ARHGAP28: variants seen among roughly 807,000 people sequenced by gnomAD.
The protein encoded by ARHGAP28 is rho GTPase-activating protein 28.
ARHGAP28 carries 56 observed loss-of-function variants against 90.7 expected under a neutral mutation model. The ratio of observed to expected loss-of-function variants is 0.62; its 90% CI spans 0.50 to 0.77. The LOEUF is 0.77. Among genes scored for constraint, ARHGAP28 ranks in the 30% least tolerant of loss-of-function variants. The pLI is 0.00. For missense variants in ARHGAP28, 869 were observed against 900.9 expected (o/e 0.96, Z 0.45); for synonymous variants, 308 against 323.3 (o/e 0.95, Z 0.51).
intron 3 of ARHGAP28, among the ~76,000 whole-genome samples, chr18:6,847,640 T>TGC (rs1292204594): frequency 1.3e-5 from 2 of 151,746 alleles, no homozygotes; most frequent in African/African-American, 4.8e-5. Context: ...GGTGTGTGTG[T>TGC]GTGTGTGTGT....
chr18:6,746,630 A>G (rs2056025814), intron 1 of ARHGAP28, among the ~76,000 whole-genome samples: 1 of 152,234 alleles, frequency 6.6e-6, no homozygotes, highest in Non-Finnish European at 1.5e-5. Context: ...TTTTTAAGTG[A>G]AAACACTGAG....
At chr18:6,898,780 A>G (rs1325532029) in intron 16 of ARHGAP28, 5 of 1,234,954 alleles carry the variant, frequency 4.0e-6, no homozygotes, top group Non-Finnish European at 5.1e-6. Flanking sequence ...TTAGTAACTC[A>G]GGAATGGAAA....
intron 4 of ARHGAP28, 134 bp downstream of exon 4, chr18:6,851,260 C>A (rs112647878): frequency 4.0e-6 from 3 of 750,928 alleles, no homozygotes; most frequent in African/African-American, 3.5e-5. Context: ...CACTTATCTA[C>A]CTTAGGTGAT....
intron 5 of ARHGAP28, among the ~76,000 whole-genome samples, chr18:6,863,505 C>T (rs1200329130): frequency 6.6e-6 from 1 of 151,502 alleles, no homozygotes; most frequent in Non-Finnish European, 1.5e-5. Flanking sequence ...ATTTGATTCA[C>T]TACTATTTTA....
chr18:6,790,477 C>T lies in ARHGAP28; in HGVS notation c.123-34285C>T, dbSNP rs940237229. 7.2e-5 allele frequency: 11 copies of T among 152,032 alleles called. No homozygotes were observed. The East Asian group carries it at 1.3e-3, about 19-fold the overall frequency. 9.4% of individuals were successfully genotyped at this position (152,032 alleles called of 1,614,324 possible). On this transcript the variant is annotated intron_variant, in intron 1 of 17. Coordinates refer to ENST00000383472, the MANE Select transcript of ARHGAP28 (RefSeq NM_001366230.1). ...CTCGGTAAATGGTATCATCACCAACCAAGAAAAACAGAAGATACAGGGAGA... is the reference window on the plus strand; with the variant it reads ...CTCGGTAAATGGTATCATCACCAACTAAGAAAAACAGAAGATACAGGGAGA...
At chr18:6,909,246 G>C (rs1409646728) in intron 17 of ARHGAP28, among the ~76,000 whole-genome samples, 2 of 127,836 alleles carry the variant, frequency 1.6e-5, no homozygotes, top group Admixed American at 7.6e-5. Flanking sequence ...GAGTAGGCTT[G>C]GGTCTTTTCT....
intron 1 of ARHGAP28, among the ~76,000 whole-genome samples, chr18:6,738,144 G>A (rs982941024): frequency 6.6e-6 from 1 of 152,146 alleles, no homozygotes; most frequent in Admixed American, 6.5e-5. Context: ...AAAGTAGTAG[G>A]TAGTGTTTCT....
chr18:6,827,596 C>A (rs1247608888), intron 2 of ARHGAP28, among the ~76,000 whole-genome samples: 1 of 147,994 alleles, frequency 6.8e-6, no homozygotes, highest in African/African-American at 2.5e-5. Flanking sequence ...GGGGGCTGAC[C>A]CCCACCTCCC....
chr18:6,782,680 C>T (rs2056335003), intron 1 of ARHGAP28, among the ~76,000 whole-genome samples: 1 of 133,768 alleles, frequency 7.5e-6, no homozygotes. Flanking sequence ...AAACTCCTGA[C>T]CTCAGGTGAT....
At chr18:6,811,128 A>G (rs1458566374) in intron 1 of ARHGAP28, among the ~76,000 whole-genome samples, 5 of 152,138 alleles carry the variant, frequency 3.3e-5, no homozygotes, top group East Asian at 1.9e-4. Flanking sequence ...ACAGAGTTCT[A>G]GTCCAATTGA....
chr18:6,808,497 T>A (rs2056534719), intron 1 of ARHGAP28, among the ~76,000 whole-genome samples: 1 of 152,200 alleles, frequency 6.6e-6, no homozygotes, highest in African/African-American at 2.4e-5. Context: ...GTTGTCAATT[T>A]CAAGTGGTCA....
At position 6,914,936 on chromosome 18, in the gene ARHGAP28, C is replaced by T. The variant is rs962045411; in HGVS notation, c.*2782C>T. 5 of 152,366 alleles carry T rather than the reference C, an allele frequency of 3.3e-5. No homozygotes were observed. Among genetic ancestry groups the T allele is most frequent in the Admixed American group, 6.6e-5 (1 of 15,262 alleles). 9.4% of individuals were successfully genotyped at this position (152,366 alleles called of 1,614,324 possible). A position where few individuals can be genotyped will look rare whatever the true frequency, so the allele number is the denominator to read the frequency against. On this transcript the variant is annotated 3_prime_UTR_variant, in exon 18 of 18. Coordinates refer to ENST00000383472, the MANE Select transcript of ARHGAP28 (RefSeq NM_001366230.1). ...AAACTGGATTATCAACTATTTACAA[C>T]GTCTATACAGTATAAACTACCTCAC...
In ARHGAP28 at chr18:6,882,199, C is replaced by T; in HGVS notation, c.1353C>T (p.Cys451=). The T allele has an allele frequency of 6.2e-7, 1 of 1,613,918 alleles. No homozygotes were observed. Among genetic ancestry groups the T allele is most frequent in the Non-Finnish European group, 8.5e-7 (1 of 1,179,946 alleles). ...NADKFKWDKM[C]HREAAVMLKA... The stretch of plus-strand genomic sequence containing the variant: ...ATAAATTTAAATGGGACAAAATGTG[C>T]CATAGAGAAGCTGCAGTAATGTTGA... Residue 451 remains cysteine (C), a synonymous_variant, in exon 11 of 18, where the codon TGC becomes TGT. Transcript: ENST00000383472.
At chr18:6,857,919 G>A (rs1239929570) in intron 4 of ARHGAP28, among the ~76,000 whole-genome samples, 2 of 152,214 alleles carry the variant, frequency 1.3e-5, no homozygotes, top group East Asian at 3.8e-4. Flanking sequence ...TTGTGTGTTT[G>A]TGTGAGTAGG....
intron 16 of ARHGAP28, among the ~76,000 whole-genome samples, chr18:6,905,907 G>A (rs1487575732): frequency 5.3e-5 from 8 of 151,974 alleles, no homozygotes; most frequent in African/African-American, 1.9e-4. Flanking sequence ...TAAAGAAATG[G>A]AGAAACATAT....
At chr18:6,909,386 G>A (rs961942682) in intron 17 of ARHGAP28, among the ~76,000 whole-genome samples, 9 of 150,862 alleles carry the variant, frequency 6.0e-5, no homozygotes, top group Admixed American at 2.6e-4. Flanking sequence ...TCCGCCTCCC[G>A]GGTTCAAGTG....
At chr18:6,896,365 CATTCTGGTTAATGTTGATCATAGTG>C in intron 15 of ARHGAP28, 112 bp from the exon 16 acceptor site, 1 of 994,784 alleles carries the variant, frequency 1.0e-6, no homozygotes, top group Non-Finnish European at 1.4e-6. Context: ...AGTAATGTTC[CATTCTGGTTAATGTTGATCATAGTG>C]ATGTGTTTTC....
chr18:6,743,364 C>T (rs560297875), intron 1 of ARHGAP28, among the ~76,000 whole-genome samples: 1 of 152,192 alleles, frequency 6.6e-6, no homozygotes, highest in East Asian at 1.9e-4. Context: ...ATTACTGGAT[C>T]CTTAACTACC....
At chr18:6,867,072 T>C (rs1203480097) in intron 5 of ARHGAP28, among the ~76,000 whole-genome samples, 2 of 152,198 alleles carry the variant, frequency 1.3e-5, no homozygotes, top group Admixed American at 6.5e-5. Context: ...TAGACCTTTT[T>C]TCGGTTTGTC....
Sources: gnomAD v4.1 joint callset for allele counts (sites outside exome capture counted in the v4.1 genomes callset) on GRCh38, gnomAD v4.1.1 for gene constraint, MANE v1.5 for transcripts, NCBI Gene and HGNC (gene_info 2026-07-23, HGNC 2026-07-21) for gene names.